HAT1: variants seen among roughly 807,000 people sequenced by gnomAD.
HAT1 encodes histone acetyltransferase type B catalytic subunit.
A neutral mutation model predicts 56.6 loss-of-function variants in HAT1; 20 were observed. The ratio of observed to expected loss-of-function variants is 0.35; its 90% CI spans 0.25 to 0.51. The LOEUF is 0.51. Among genes scored for constraint, HAT1 ranks in the 20% least tolerant of loss-of-function variants. The probability of loss-of-function intolerance (pLI) is 0.95; values close to 1 mark genes in which losing one functional copy is unlikely to be tolerated. For missense variants in HAT1, 408 were observed against 504.3 expected (o/e 0.81, Z 1.83); for synonymous variants, 146 against 165.5 (o/e 0.88, Z 0.91).
intron 2 of HAT1, among the ~76,000 whole-genome samples, chr2:171,929,105 A>G (rs1326806318): frequency 6.6e-6 from 1 of 152,190 alleles, no homozygotes; most frequent in Non-Finnish European, 1.5e-5. Flanking sequence ...TTATGTTGTC[A>G]GTTTTTAAAG....
chr2:171,935,294 C>T (rs1016485544), intron 2 of HAT1, among the ~76,000 whole-genome samples: 1 of 149,936 alleles, frequency 6.7e-6, no homozygotes, highest in African/African-American at 2.4e-5. Flanking sequence ...GCGGGTGGAT[C>T]ACCCGAGGTC....
Position 171,924,112 on chromosome 2 carries a change from CTGTGTG to C in HAT1, c.8-1419_8-1414del, listed in dbSNP as rs1168578162. The stretch of plus-strand genomic sequence containing the variant: ...TACTGCTTCAAGTCTTTCCCATTTT[CTGTGTG>C]TGTGTTTTAACCCCTTTTTGAAGTT... On this transcript the variant is annotated intron_variant, in intron 1 of 10. Coordinates refer to ENST00000264108, the MANE Select transcript of HAT1 (RefSeq NM_003642.4). 4 of 152,128 alleles carry C rather than the reference CTGTGTG, an allele frequency of 2.6e-5. No homozygotes were observed. The East Asian group carries it at 5.8e-4, about 22-fold the overall frequency. The allele number at this position is 152,128 out of a possible 1,614,324, so 9.4% of individuals were successfully genotyped here. A position where few individuals can be genotyped will look rare whatever the true frequency, so the allele number is the denominator to read the frequency against.
intron 2 of HAT1, among the ~76,000 whole-genome samples, chr2:171,939,417 G>C (rs1256047125): frequency 6.6e-6 from 1 of 152,196 alleles, no homozygotes; most frequent in African/African-American, 2.4e-5. Context: ...GATCAAGTTT[G>C]TTAAACAGGT....
intron 2 of HAT1, among the ~76,000 whole-genome samples, chr2:171,926,445 C>T (rs1383494319): frequency 6.6e-6 from 1 of 152,218 alleles, no homozygotes; most frequent in Non-Finnish European, 1.5e-5. Flanking sequence ...AGGCATGCGC[C>T]ACCACGCCCG....
chr2:171,940,408 C>T (rs1255505554), intron 2 of HAT1, among the ~76,000 whole-genome samples: 2 of 152,174 alleles, frequency 1.3e-5, no homozygotes, highest in Non-Finnish European at 2.9e-5. Flanking sequence ...ATTAGTTCTT[C>T]TAGTTATGGT....
Position 171,965,509 on chromosome 2 carries a change from A to G in HAT1, c.481A>G (p.Ile161Val), listed in dbSNP as rs1410469579. 3.2e-6 allele frequency: 5 copies of G among 1,554,412 alleles called. No individual in the cohort carries two copies. The South Asian group carries it at 4.7e-5, about 14-fold the overall frequency. ...AGGAGGAGAAAACTTTACCTTTCAG[A>G]TATATAAGGTAAAGATAAATCTAAA... ...PTGGENFTFQ[I>V]YKADMTCRGF... Residue 161 changes from isoleucine (I) to valine (V), a missense_variant, in exon 5 of 11, where the codon ATA becomes GTA. By Grantham distance (29) the Ile-to-Val change is conservative. Coordinates refer to ENST00000264108, the MANE Select transcript of HAT1 (RefSeq NM_003642.4).
intron 8 of HAT1, among the ~76,000 whole-genome samples, chr2:171,972,171 T>G (rs1687830068): frequency 6.6e-6 from 1 of 152,140 alleles, no homozygotes; most frequent in African/African-American, 2.4e-5. Context: ...TTTAAACGGT[T>G]ACATATGAAA....
At chr2:171,970,982 C>G (rs1163510400) in intron 8 of HAT1, among the ~76,000 whole-genome samples, 1 of 151,880 alleles carries the variant, frequency 6.6e-6, no homozygotes, top group Non-Finnish European at 1.5e-5. Flanking sequence ...GGGCAGATCA[C>G]AAGGTCAGAA....
intron 4 of HAT1, among the ~76,000 whole-genome samples, chr2:171,959,600 C>G (rs1302385168): frequency 6.6e-6 from 1 of 152,148 alleles, no homozygotes; most frequent in African/African-American, 2.4e-5. Flanking sequence ...ATTGCGTATT[C>G]AAACAAAGAC....
chr2:171,929,830 G>C (rs761503443), intron 2 of HAT1, among the ~76,000 whole-genome samples: 1 of 152,166 alleles, frequency 6.6e-6, no homozygotes, highest in Non-Finnish European at 1.5e-5. Context: ...GTCTGGATTA[G>C]TGTAACTTTC....
chr2:171,983,366 C>T lies in HAT1; in HGVS notation c.*14C>T, dbSNP rs192123385. On this transcript the variant is annotated 3_prime_UTR_variant, in exon 11 of 11. Transcript: ENST00000264108. ...GCTCAAGAGTAAAGATTATACTGCTCTGTACAGGAAGCTTGCAAATTTTCT... is the reference window on the plus strand; with the variant it reads ...GCTCAAGAGTAAAGATTATACTGCTTTGTACAGGAAGCTTGCAAATTTTCT... The T allele has an allele frequency of 6.5e-7, 1 of 1,541,544 alleles. No individual in the cohort carries two copies. Among genetic ancestry groups the T allele is most frequent in the Non-Finnish European group, 8.8e-7 (1 of 1,130,540 alleles).
Position 171,946,796 on chromosome 2 carries a change from G to T in HAT1, c.188+13G>T. 1 of 1,244,122 alleles carries T rather than the reference G, an allele frequency of 8.0e-7. No homozygotes were observed. Among genetic ancestry groups the T allele is most frequent in the Non-Finnish European group, 1.1e-6 (1 of 879,686 alleles). 77.1% of individuals were successfully genotyped at this position (1,244,122 alleles called of 1,614,324 possible). A position where few individuals can be genotyped will look rare whatever the true frequency, so the allele number is the denominator to read the frequency against. ...TCTTTGGGGATGAGTAAGTAACTTA[G>T]TAAAATATTTGTCAAATTAGTATGG... On this transcript the variant is annotated intron_variant, in intron 3 of 10. Transcript: ENST00000264108.
chr2:171,963,443 G>A (rs1327563906), intron 4 of HAT1, among the ~76,000 whole-genome samples: 1 of 152,072 alleles, frequency 6.6e-6, no homozygotes, highest in African/African-American at 2.4e-5. Context: ...GAAACTTAGA[G>A]TTTCTGAGAA....
intron 4 of HAT1, among the ~76,000 whole-genome samples, chr2:171,963,219 A>G (rs1018221329): frequency 1.3e-5 from 2 of 149,528 alleles, no homozygotes; most frequent in Admixed American, 6.7e-5. Flanking sequence ...CTATTTATAA[A>G]TATATATTTA....
chr2:171,959,472 C>T (rs1216133109), intron 4 of HAT1, among the ~76,000 whole-genome samples: 1 of 152,120 alleles, frequency 6.6e-6, no homozygotes, highest in African/African-American at 2.4e-5. Context: ...TCTAATTGTT[C>T]CATTCTTGAA....
At chr2:171,944,172 A>G (rs987071233) in intron 2 of HAT1, among the ~76,000 whole-genome samples, 6 of 151,756 alleles carry the variant, frequency 4.0e-5, no homozygotes, top group African/African-American at 1.5e-4. Flanking sequence ...TTAAACAAGG[A>G]TCCAGTAAGG....
chr2:171,953,577 A>G (rs535957200), intron 4 of HAT1, among the ~76,000 whole-genome samples: 27 of 135,982 alleles, frequency 2.0e-4, no homozygotes, highest in African/African-American at 6.1e-4. Flanking sequence ...GTGAGCCATG[A>G]TGGCACCACT....
chr2:171,983,156 C>A (rs186769888), intron 10 of HAT1, 29 bp from the exon 11 acceptor site: 6 of 1,372,198 alleles, frequency 4.4e-6, no homozygotes, highest in East Asian at 2.4e-5. Context: ...TTACTTTCTT[C>A]GTCTAACAAA....
intron 4 of HAT1, among the ~76,000 whole-genome samples, chr2:171,962,068 A>G (rs868171839): frequency 6.6e-6 from 1 of 152,114 alleles, no homozygotes; most frequent in Non-Finnish European, 1.5e-5. Flanking sequence ...GATGTTAGAG[A>G]GGTTATTGGG....
Sources: allele counts gnomAD v4.1 joint callset (sites outside exome capture counted in the v4.1 genomes callset), GRCh38; gene constraint gnomAD v4.1.1; transcripts MANE v1.5; gene names NCBI Gene and HGNC (gene_info 2026-07-23, HGNC 2026-07-21).